KIAA0232: variants seen among roughly 807,000 people sequenced by gnomAD.
KIAA0232 encodes the protein KIAA0232.
In KIAA0232, 27 loss-of-function variants were observed where a neutral mutation model predicts 122.0. The ratio of observed to expected loss-of-function variants is 0.22; its 90% CI spans 0.16 to 0.31. The LOEUF (loss-of-function observed/expected upper bound fraction) is 0.31, where lower values mean the gene tolerates loss of function less well. KIAA0232 is among the 10% of genes least tolerant of loss of function. KIAA0232 has a pLI of 1.00. For missense variants in KIAA0232, 1,551 were observed against 1,634.2 expected, an observed-to-expected ratio of 0.95 and a Z score of 0.88; for synonymous variants, 613 against 587.6, an observed-to-expected ratio of 1.04 and a Z score of -0.63.
rs549289839 is a variant in KIAA0232 at position 6,802,589 on chromosome 4, C to T, written c.-353-1934C>T. Among the ~76,000 whole-genome samples the T allele has an allele frequency of 1.1e-4, 16 of 147,702 alleles. No individual in the cohort carries two copies. In the East Asian group the frequency reaches 3.0e-3, roughly 28 times the overall value. ...ACTAAATAACTATGTGTGTGTGTGT[C>T]TTATGTACGAACAGAGTTACAGTGC... On this transcript the variant is annotated intron_variant, in intron 1 of 9. Transcript: ENST00000307659.
At chr4:6,854,048 G>A (rs1316659012) in intron 4 of KIAA0232, among the ~76,000 whole-genome samples, 1 of 152,110 alleles carries the variant, frequency 6.6e-6, no homozygotes, top group African/African-American at 2.4e-5. Context: ...AGGGGTTTTG[G>A]TGGTATGCAT....
chr4:6,782,771 C>T lies in KIAA0232; in HGVS notation c.-424C>T, dbSNP rs1716398743. 2 of 149,102 alleles carry T rather than the reference C, an allele frequency of 1.3e-5. No homozygotes were observed. The highest frequency in any genetic ancestry group is 1.3e-4 in the Admixed American group (2 of 14,998). 9.2% of individuals were successfully genotyped at this position (149,102 alleles called of 1,614,324 possible). ...CCAGGGCCGCCCGGCGCTCGGCAGC[C>T]GCCCGCAGCCCCTCGGAGCCAGAGG... On this transcript the variant is annotated 5_prime_UTR_variant, in exon 1 of 10. Transcript: ENST00000307659.
At chr4:6,878,466 A>G (rs1721875795) in intron 9 of KIAA0232, among the ~76,000 whole-genome samples, 1 of 151,674 alleles carries the variant, frequency 6.6e-6, no homozygotes, top group African/African-American at 2.4e-5. Flanking sequence ...CAAAAAATAA[A>G]ATGAGATTTT....
intron 1 of KIAA0232, among the ~76,000 whole-genome samples, chr4:6,783,639 G>A (rs1434185327): frequency 2.7e-5 from 4 of 150,740 alleles, no homozygotes; most frequent in African/African-American, 9.7e-5. Context: ...CAGGCGGGCG[G>A]GGCCGGGAGG....
At chr4:6,835,738 G>A (rs1479731222) in intron 3 of KIAA0232, among the ~76,000 whole-genome samples, 2 of 152,244 alleles carry the variant, frequency 1.3e-5, no homozygotes, top group African/African-American at 2.4e-5. Context: ...CTGTCCTTGT[G>A]ATATTTTGCT....
chr4:6,869,614 AG>A (rs1462640396), intron 7 of KIAA0232, among the ~76,000 whole-genome samples: 1 of 152,232 alleles, frequency 6.6e-6, no homozygotes, highest in Non-Finnish European at 1.5e-5. Context: ...TGTTAGGATA[AG>A]TTGTAGGAGA....
chr4:6,790,530 A>C (rs1716847130), intron 1 of KIAA0232, among the ~76,000 whole-genome samples: 1 of 151,282 alleles, frequency 6.6e-6, no homozygotes, highest in Admixed American at 6.6e-5. Context: ...CTACATGCTC[A>C]TGTTACCACT....
intron 4 of KIAA0232, among the ~76,000 whole-genome samples, chr4:6,846,527 A>C (rs1345642344): frequency 6.6e-6 from 1 of 151,976 alleles, no homozygotes; most frequent in Admixed American, 6.6e-5. Flanking sequence ...CTGAGGTGGA[A>C]GTTTCATCCC....
At position 6,882,272 on chromosome 4, in the gene KIAA0232, A is replaced by G. The variant is rs988874577; in HGVS notation, c.*1306A>G. ...CATTGTTTAAAAAACAAAAACAAAA[A>G]AAACCTAATCTGTGAAATCAGCGTA... On this transcript the variant is annotated 3_prime_UTR_variant, in exon 10 of 10. Coordinates refer to ENST00000307659, the MANE Select transcript of KIAA0232 (RefSeq NM_014743.3). 4 of 152,200 alleles carry G rather than the reference A, an allele frequency of 2.6e-5. No individual in the cohort carries two copies. Among genetic ancestry groups the G allele is most frequent in the African/African-American group, 9.6e-5 (4 of 41,458 alleles). 9.4% of individuals were successfully genotyped at this position (152,200 alleles called of 1,614,324 possible).
chr4:6,804,287 T>G (rs1017677235), intron 1 of KIAA0232, among the ~76,000 whole-genome samples: 2 of 152,168 alleles, frequency 1.3e-5, no homozygotes, highest in Non-Finnish European at 2.9e-5. Context: ...GTGCTCCCTC[T>G]TGTTCTGGTA....
At chr4:6,870,502 C>A (rs1448701620) in intron 7 of KIAA0232, among the ~76,000 whole-genome samples, 4 of 152,176 alleles carry the variant, frequency 2.6e-5, no homozygotes, top group Admixed American at 2.0e-4. Context: ...AATAACTGTG[C>A]CTATAAGAAT....
At chr4:6,817,671 C>T (rs912952264) in intron 2 of KIAA0232, among the ~76,000 whole-genome samples, 1 of 152,150 alleles carries the variant, frequency 6.6e-6, no homozygotes, top group Admixed American at 6.5e-5. Context: ...GCCAAAGATA[C>T]AGTTTATCTT....
chr4:6,793,806 C>T (rs562014886), intron 1 of KIAA0232, among the ~76,000 whole-genome samples: 1 of 152,252 alleles, frequency 6.6e-6, no homozygotes, highest in South Asian at 2.1e-4. Context: ...CTCCTGAGAA[C>T]TCTGAGAGAG....
intron 2 of KIAA0232, among the ~76,000 whole-genome samples, chr4:6,822,910 C>T (rs1322878097): frequency 7.1e-6 from 1 of 141,618 alleles, no homozygotes; most frequent in Non-Finnish European, 1.5e-5. Context: ...GTATATCTCC[C>T]AATGCTATCC....
Position 6,861,594 on chromosome 4 carries a change from C to A in KIAA0232, c.1212C>A (p.Thr404=). ...TEYKEEPLWY[T]EPIAEYFVPL... is the part of the protein sequence containing the mutation. ...ATAAAGAGGAGCCCTTGTGGTACAC[C>A]GAGCCAATTGCTGAATATTTTGTTC... Residue 404 remains threonine, a synonymous_variant, in exon 7 of 10, where the codon ACC becomes ACA. Transcript: ENST00000307659. 1 of 1,613,808 alleles carries A rather than the reference C, an allele frequency of 6.2e-7. No homozygotes were observed. The highest frequency in any genetic ancestry group is 1.1e-5 in the South Asian group (1 of 91,070).
intron 4 of KIAA0232, among the ~76,000 whole-genome samples, chr4:6,846,796 C>T (rs1719989367): frequency 6.6e-6 from 1 of 152,038 alleles, no homozygotes; most frequent in South Asian, 2.1e-4. Flanking sequence ...AAGAAAGGAG[C>T]AAAGAGGACC....
At chr4:6,854,716 A>G (rs894688562) in intron 4 of KIAA0232, among the ~76,000 whole-genome samples, 3 of 152,186 alleles carry the variant, frequency 2.0e-5, no homozygotes, top group African/African-American at 7.2e-5. Flanking sequence ...TACAGTTAGG[A>G]AAAGCAATTC....
chr4:6,809,558 C>T (rs1717782831), intron 2 of KIAA0232, among the ~76,000 whole-genome samples: 2 of 152,110 alleles, frequency 1.3e-5, no homozygotes, highest in Non-Finnish European at 1.5e-5. Flanking sequence ...GGATATAAAC[C>T]TTTGTGGAAG....
At chr4:6,824,805 C>A in intron 3 of KIAA0232, 121 bp downstream of exon 3, 1 of 810,592 alleles carries the variant, frequency 1.2e-6, no homozygotes, top group Non-Finnish European at 2.0e-6. Flanking sequence ...AAACATTTAA[C>A]CTGTCAGTGA....
Sources: allele counts gnomAD v4.1 joint callset (sites outside exome capture counted in the v4.1 genomes callset), GRCh38; gene constraint gnomAD v4.1.1; transcripts MANE v1.5; gene names NCBI Gene and HGNC (gene_info 2026-07-23, HGNC 2026-07-21).